GPHN: variants seen among roughly 807,000 people sequenced by gnomAD.
GPHN encodes gephyrin.
In GPHN, 17 loss-of-function variants were observed where a neutral mutation model predicts 95.5. The ratio of observed to expected loss-of-function variants is 0.18; its 90% CI spans 0.12 to 0.27. The LOEUF (loss-of-function observed/expected upper bound fraction) is 0.27, where lower values mean the gene tolerates loss of function less well. Ranked by LOEUF, GPHN falls within the 10% of genes least tolerant of loss-of-function variation. GPHN has a pLI of 1.00. For missense variants in GPHN, 660 were observed against 978.1 expected (o/e 0.67, Z 4.34); for synonymous variants, 320 against 322.5 (o/e 0.99, Z 0.08).
chr14:67,062,187 T>G (rs1047341344), intron 11 of GPHN, among the ~76,000 whole-genome samples: 3 of 152,218 alleles, frequency 2.0e-5, no homozygotes, highest in African/African-American at 7.2e-5. Context: ...CTCACTACAC[T>G]TTAGAATATT....
the GPHN span, among the ~76,000 whole-genome samples, chr14:67,193,606 T>G: frequency 3.4e-5 from 5 of 145,638 alleles, no homozygotes; most frequent in Admixed American, 2.8e-4. Flanking sequence ...TATCTATAGA[T>G]ATATAGATAG....
intron 4 of GPHN, among the ~76,000 whole-genome samples, chr14:66,865,899 G>A (rs936156068): frequency 2.0e-5 from 3 of 152,146 alleles, no homozygotes; most frequent in Non-Finnish European, 4.4e-5. Flanking sequence ...ACTCTTAAGT[G>A]TATAACTTTG....
the GPHN span, chr14:67,653,578 GC>G: frequency 8.0e-7 from 1 of 1,252,964 alleles, no homozygotes; most frequent in Admixed American, 2.0e-5. Context: ...TTAACAGTAG[GC>G]ATTAAGGGAT....
the GPHN span, among the ~76,000 whole-genome samples, chr14:67,434,095 C>T: frequency 3.9e-5 from 6 of 152,300 alleles, no homozygotes; most frequent in East Asian, 1.2e-3. Flanking sequence ...ACAGATCTAA[C>T]TATAAAAGGC....
the GPHN span, among the ~76,000 whole-genome samples, chr14:67,311,762 C>T: frequency 6.6e-6 from 1 of 152,264 alleles, no homozygotes; most frequent in Middle Eastern, 3.4e-3. Flanking sequence ...TCCAAAAACA[C>T]ATTATTAGCA....
At chr14:67,575,689 A>G in the GPHN span, 9 of 751,808 alleles carry the variant, frequency 1.2e-5, no homozygotes, top group Admixed American at 2.3e-5. Flanking sequence ...CTGGGATGCT[A>G]TAGTCTCCAC....
intron 1 of GPHN, among the ~76,000 whole-genome samples, chr14:66,533,843 G>T (rs1004161340): frequency 3.9e-5 from 6 of 152,184 alleles, no homozygotes; most frequent in Admixed American, 1.3e-4. Flanking sequence ...TGAAATTTGA[G>T]ACTTCAGTTT....
the GPHN span, among the ~76,000 whole-genome samples, chr14:67,454,914 C>T: frequency 6.6e-6 from 1 of 151,876 alleles, no homozygotes; most frequent in Non-Finnish European, 1.5e-5. Context: ...CACTCTGTCA[C>T]CCAGGCTAGA....
chr14:66,655,383 A>G (rs1002458779), intron 1 of GPHN, among the ~76,000 whole-genome samples: 2 of 152,106 alleles, frequency 1.3e-5, no homozygotes, highest in Non-Finnish European at 2.9e-5. Flanking sequence ...GTGGCATTAT[A>G]TTTTAATTTA....
At chr14:67,066,506 A>G (rs1002642989) in intron 11 of GPHN, among the ~76,000 whole-genome samples, 1 of 152,176 alleles carries the variant, frequency 6.6e-6, no homozygotes, top group Non-Finnish European at 1.5e-5. Context: ...TCTCCTTGAT[A>G]ATGTCCTAAA....
chr14:67,242,359 AAG>A, the GPHN span, among the ~76,000 whole-genome samples: 1 of 152,214 alleles, frequency 6.6e-6, no homozygotes, highest in African/African-American at 2.4e-5. Flanking sequence ...TTAGAATAGT[AAG>A]AATTTAGATT....
intron 10 of GPHN, among the ~76,000 whole-genome samples, chr14:67,051,026 A>C (rs1002628075): frequency 3.3e-5 from 5 of 150,458 alleles, no homozygotes; most frequent in African/African-American, 1.2e-4. Flanking sequence ...GTTCCCAAGC[A>C]CAGAACTGTG....
At chr14:67,658,618 T>G in the GPHN span, among the ~76,000 whole-genome samples, 2 of 152,162 alleles carry the variant, frequency 1.3e-5, no homozygotes, top group East Asian at 1.9e-4. Flanking sequence ...TAATAATTTC[T>G]GAAACTCATA....
intron 2 of GPHN, among the ~76,000 whole-genome samples, chr14:66,731,053 C>T (rs951406719): frequency 1.3e-5 from 2 of 152,194 alleles, no homozygotes; most frequent in African/African-American, 4.8e-5. Flanking sequence ...TCTCTCTTGC[C>T]TACCGCCATG....
the GPHN span, chr14:67,620,838 G>A: frequency 6.3e-7 from 1 of 1,583,044 alleles, no homozygotes; most frequent in Admixed American, 1.7e-5. Flanking sequence ...TGTACCAAAT[G>A]GGTTTTTTTC....
chr14:67,166,469 TATAAA>T (rs1161736203), intron 20 of GPHN, among the ~76,000 whole-genome samples: 2 of 152,188 alleles, frequency 1.3e-5, no homozygotes, highest in African/African-American at 2.4e-5. Context: ...CCAAAGATGT[TATAAA>T]ATTAAAACCT....
chr14:67,451,970 A>C, the GPHN span, among the ~76,000 whole-genome samples: 1 of 151,922 alleles, frequency 6.6e-6, no homozygotes, highest in Non-Finnish European at 1.5e-5. Context: ...TTGAATCATC[A>C]GGGTGGGTCT....
intron 18 of GPHN, among the ~76,000 whole-genome samples, chr14:67,148,782 G>A (rs1366493434): frequency 7.3e-5 from 11 of 151,272 alleles, no homozygotes; most frequent in Non-Finnish European, 8.8e-5. Flanking sequence ...TAGCCAGGAT[G>A]GTCTCGATCT....
At chr14:67,279,746 T>A in the GPHN span, 1 of 434,012 alleles carries the variant, frequency 2.3e-6, no homozygotes, top group Non-Finnish European at 4.0e-6. Context: ...AAATGTTAAG[T>A]CACTATAACA....
Sources: gnomAD v4.1 joint callset for allele counts (sites outside exome capture counted in the v4.1 genomes callset) on GRCh38, gnomAD v4.1.1 for gene constraint, MANE v1.5 for transcripts, NCBI Gene and HGNC (gene_info 2026-07-23, HGNC 2026-07-21) for gene names.